DMD: variants seen among roughly 807,000 people sequenced by gnomAD.
DMD encodes the protein dystrophin, also known as mutant dystrophin.
Under a neutral mutation model 330.1 loss-of-function variants are expected in DMD, and 63 were observed. The ratio of observed to expected loss-of-function variants is 0.19; its 90% CI spans 0.16 to 0.24. The LOEUF (loss-of-function observed/expected upper bound fraction) is 0.24, where lower values mean the gene tolerates loss of function less well. Among genes scored for constraint, DMD ranks in the 10% least tolerant of loss-of-function variants. DMD has a pLI of 1.00. For missense variants in DMD, 3,344 were observed against 2,684.1 expected, an observed-to-expected ratio of 1.25 and a Z score of -5.43; for synonymous variants, 1,223 against 959.8, an observed-to-expected ratio of 1.27 and a Z score of -5.07.
intron 30 of DMD, among the ~76,000 whole-genome samples, chrX:32,406,249 T>G (rs1385612265): frequency 9.0e-6 from 1 of 111,332 alleles, no homozygotes; most frequent in Admixed American, 9.6e-5. Flanking sequence ...TTTATTTCCT[T>G]CTCCTGCCTA....
intron 7 of DMD, among the ~76,000 whole-genome samples, chrX:32,793,742 A>C (rs1175699777): frequency 1.8e-5 from 2 of 111,846 alleles, no homozygotes; most frequent in East Asian, 5.6e-4. Flanking sequence ...ATAATTAGTA[A>C]TGATCTTGAA....
At chrX:31,201,015 T>C (rs2148510663) in intron 67 of DMD, among the ~76,000 whole-genome samples, 1 of 111,438 alleles carries the variant, frequency 9.0e-6, no homozygotes, top group East Asian at 2.8e-4. Context: ...TTGACTGATT[T>C]CCCCCCAGTC....
intron 7 of DMD, among the ~76,000 whole-genome samples, chrX:32,737,498 C>T (rs759909493): frequency 1.3e-3 from 141 of 111,338 alleles, no homozygotes; most frequent in Non-Finnish European, 2.1e-3. Context: ...AAAGACTCCA[C>T]AAGTCTTGAA....
intron 2 of DMD, among the ~76,000 whole-genome samples, chrX:32,865,438 G>T (rs779740315): frequency 9.0e-6 from 1 of 111,264 alleles, no homozygotes; most frequent in East Asian, 2.9e-4. Context: ...TCAACAGGTA[G>T]AAGTGTAAAG....
intron 18 of DMD, among the ~76,000 whole-genome samples, chrX:32,507,341 T>G (rs2044730688): frequency 8.9e-6 from 1 of 111,865 alleles, no homozygotes; most frequent in South Asian, 3.7e-4. Context: ...TTTGCTTTAG[T>G]TTTTGTGAAA....
In DMD at chrX:32,698,709, G is replaced by C. The variant is rs1431408750; in HGVS notation, c.831+403C>G. Among the ~76,000 whole-genome samples, 4 of 111,463 alleles carry C rather than the reference G, an allele frequency of 3.6e-5. No homozygotes were observed. The East Asian group carries it at 8.5e-4, about 24-fold the overall frequency. ...AAAATCTGACTTTGTACATCATATT[G>C]TCATAAAGTATTTTTTAATGATTAA... On this transcript the variant is annotated intron_variant, in intron 8 of 78. Transcript: ENST00000357033.
chrX:32,012,259 C>T (rs1005062350), intron 44 of DMD, among the ~76,000 whole-genome samples: 2 of 111,905 alleles, frequency 1.8e-5, no homozygotes, highest in Non-Finnish European at 3.8e-5. Context: ...TGAGGTGAGA[C>T]GATAAGGGAG....
chrX:32,861,056 C>G (rs1279224947), intron 2 of DMD, among the ~76,000 whole-genome samples: 1 of 111,741 alleles, frequency 8.9e-6, no homozygotes, highest in Non-Finnish European at 1.9e-5. Flanking sequence ...GGTTCAACTC[C>G]CAGCTCTGCA....
At chrX:32,077,375 T>C (rs527929981) in intron 44 of DMD, among the ~76,000 whole-genome samples, 14 of 111,699 alleles carry the variant, frequency 1.3e-4, no homozygotes, top group Middle Eastern at 9.3e-3. Flanking sequence ...CATCCTATAA[T>C]TGTTATCTTA....
chrX:31,230,696 C>G (rs948535683), intron 63 of DMD, among the ~76,000 whole-genome samples: 1 of 108,515 alleles, frequency 9.2e-6, no homozygotes, highest in Non-Finnish European at 1.9e-5. Context: ...TAGTATGGCA[C>G]AAATGTGGAA....
chrX:31,193,563 TA>T (rs1416382008), intron 67 of DMD, among the ~76,000 whole-genome samples: 1 of 111,963 alleles, frequency 8.9e-6, no homozygotes, highest in Admixed American at 9.5e-5. Flanking sequence ...GGATCATCCA[TA>T]AATGCTAAAA....
chrX:32,778,798 C>T (rs183603940), intron 7 of DMD, among the ~76,000 whole-genome samples: 35 of 111,323 alleles, frequency 3.1e-4, no homozygotes, highest in African/African-American at 1.1e-3. Flanking sequence ...ATAGTGTGCA[C>T]TCAGGTAATC....
chrX:31,774,207 GT>G lies in DMD; in HGVS notation c.7310-16del, dbSNP rs398124045. On this transcript the variant is annotated splice_polypyrimidine_tract_variant and intron_variant, in intron 50 of 78. Coordinates refer to ENST00000357033, the MANE Select transcript of DMD (RefSeq NM_004006.3). The stretch of plus-strand genomic sequence containing the variant: ...CTGAGTAGGAGCTAAAATATTTTGG[GT>G]TTTTGCAAAAAGGAAAAAAGAAGAA... The G allele has an allele frequency of 8.6e-7, 1 of 1,165,192 alleles. No homozygotes were observed. The highest frequency in any genetic ancestry group is 1.2e-6 in the Non-Finnish European group (1 of 857,723).
intron 58 of DMD, 53 bp downstream of exon 58, chrX:31,478,930 C>T (rs892457678): frequency 4.2e-6 from 5 of 1,185,814 alleles, no homozygotes; most frequent in Middle Eastern, 2.3e-4. Context: ...TGGGCTGCTC[C>T]GTCACCACTG....
intron 55 of DMD, among the ~76,000 whole-genome samples, chrX:31,600,513 T>G (rs952374089): frequency 2.1e-5 from 2 of 97,528 alleles, no homozygotes; most frequent in Non-Finnish European, 4.1e-5. Flanking sequence ...AACTATGGTT[T>G]TTTTTTTTTT....
intron 44 of DMD, among the ~76,000 whole-genome samples, chrX:32,205,043 C>CACACACACACA (rs1569550759): frequency 3.0e-4 from 10 of 33,503 alleles, no homozygotes; most frequent in Admixed American, 1.1e-3. Context: ...ACACACACAC[C>CACACACACACA]CACACACACA....
chrX:32,803,589 G>A (rs1157307722), intron 7 of DMD, among the ~76,000 whole-genome samples: 1 of 111,573 alleles, frequency 9.0e-6, no homozygotes, highest in Non-Finnish European at 1.9e-5. Context: ...TCTCCTGTGG[G>A]CATTTAGTGC....
intron 44 of DMD, among the ~76,000 whole-genome samples, chrX:32,165,590 A>G (rs1359244579): frequency 8.9e-6 from 1 of 112,142 alleles, no homozygotes; most frequent in Non-Finnish European, 1.9e-5. Flanking sequence ...GAGACTTTGG[A>G]CTTGGACTTT....
At chrX:32,579,100 G>A (rs2053376398) in intron 13 of DMD, among the ~76,000 whole-genome samples, 1 of 111,347 alleles carries the variant, frequency 9.0e-6, no homozygotes, top group Non-Finnish European at 1.9e-5. Flanking sequence ...GAGTCCTACT[G>A]AATAGTGTTT....
Sources: gnomAD v4.1 joint callset for allele counts (sites outside exome capture counted in the v4.1 genomes callset) on GRCh38, gnomAD v4.1.1 for gene constraint, MANE v1.5 for transcripts, NCBI Gene and HGNC (gene_info 2026-07-23, HGNC 2026-07-21) for gene names.